The following PCDHA2 variants were observed in gnomAD, a reference collection of about 807,000 sequenced individuals.
PCDHA2 encodes protocadherin alpha-2.
Under a neutral mutation model 66.0 loss-of-function variants are expected in PCDHA2, and 58 were observed. That is an observed-to-expected ratio of 0.88 (90% CI 0.71 to 1.09). The LOEUF (loss-of-function observed/expected upper bound fraction) is 1.09, where lower values mean the gene tolerates loss of function less well. Ranked by LOEUF, PCDHA2 falls within the 50% of genes least tolerant of loss-of-function variation. The pLI, the probability that PCDHA2 is intolerant of heterozygous loss-of-function variation, is 0.00. For synonymous variants in PCDHA2, 634 were observed against 554.0 expected, an observed-to-expected ratio of 1.14 and a Z score of -2.03; for missense variants, 1,267 against 1,242.3, an observed-to-expected ratio of 1.02 and a Z score of -0.30.
chr5:140,875,818 G>T (rs2055839936), intron 1 of PCDHA2: 1 of 1,614,100 alleles, frequency 6.2e-7, no homozygotes, highest in East Asian at 2.2e-5. Flanking sequence ...GCCGCTGCAG[G>T]TTTTCCATGT....
chr5:140,915,234 A>G (rs1373292519), intron 1 of PCDHA2, among the ~76,000 whole-genome samples: 1 of 152,144 alleles, frequency 6.6e-6, no homozygotes, highest in Non-Finnish European at 1.5e-5. Flanking sequence ...GGCATGAGCC[A>G]CCATGCCTGG....
intron 1 of PCDHA2, chr5:140,866,113 T>C (rs1185424072): frequency 6.6e-6 from 1 of 152,196 alleles, no homozygotes; most frequent in African/African-American, 2.4e-5. Flanking sequence ...AAGAGTTGCC[T>C]TATAAGAACT....
At chr5:140,810,984 G>T (rs1764771297) in intron 1 of PCDHA2, 1 of 151,832 alleles carries the variant, frequency 6.6e-6, no homozygotes, top group South Asian at 2.1e-4. Context: ...GTGAGGTAGG[G>T]GTCAAGATTT....
intron 1 of PCDHA2, chr5:140,842,932 G>A: frequency 1.3e-6 from 2 of 1,594,566 alleles, no homozygotes; most frequent in East Asian, 2.2e-5. Flanking sequence ...AGGTGAGCGC[G>A]CGCGACGCGG....
At chr5:140,828,611 T>G in intron 1 of PCDHA2, 1 of 1,614,202 alleles carries the variant, frequency 6.2e-7, no homozygotes, top group Non-Finnish European at 8.5e-7. Flanking sequence ...TAAACTCAGT[T>G]CTAGCGAATA....
chr5:140,868,954 C>T (rs192231), intron 1 of PCDHA2: 649,749 of 1,346,616 alleles, frequency 0.48, 158,482 homozygotes, highest in South Asian at 0.57. Flanking sequence ...GTGAGGCACT[C>T]CCATACAAAG....
At position 141,010,952 on chromosome 5, in the gene PCDHA2, T is replaced by C. The variant is rs1217882818; in HGVS notation, c.*1015T>C. On this transcript the variant is annotated 3_prime_UTR_variant, in exon 4 of 4. Coordinates refer to ENST00000526136, the MANE Select transcript of PCDHA2 (RefSeq NM_018905.3). ...AGTCTACAGCCATTTAAATGATCAT[T>C]GCTGCTACAGAAGTGCTTTAAGAGA... 1 of 153,792 alleles carries C rather than the reference T, an allele frequency of 6.5e-6. No individual in the cohort carries two copies. Among genetic ancestry groups the C allele is most frequent in the East Asian group, 1.9e-4 (1 of 5,194 alleles). The allele number at this position is 153,792 out of a possible 1,614,324, so 9.5% of individuals were successfully genotyped here. A position where few individuals can be genotyped will look rare whatever the true frequency, so the allele number is the denominator to read the frequency against.
rs782518595 is a variant in PCDHA2 at position 140,795,336 on chromosome 5, G to A, written c.372G>A (p.Lys124=). The change falls in exon 1 of 4, where the codon AAG becomes AAA. Residue 124 remains lysine (K), a synonymous_variant. Transcript: ENST00000526136. ...TTTTCCATGTGGAAGTGGAGGTGAA[G>A]GACATTAACGACAACCCGCCAATAT... ...LQVFHVEVEV[K]DINDNPPIFP... The A allele has an allele frequency of 2.5e-6, 4 of 1,614,222 alleles. No homozygotes were observed. Among genetic ancestry groups the A allele is most frequent in the Non-Finnish European group, 8.5e-7 (1 of 1,180,044 alleles).
At chr5:140,968,684 G>A in intron 1 of PCDHA2, 1 of 1,614,140 alleles carries the variant, frequency 6.2e-7, no homozygotes, top group Non-Finnish European at 8.5e-7. Flanking sequence ...GCTGCACACA[G>A]GAGAAATTAG....
chr5:140,906,316 A>G (rs191261196), intron 1 of PCDHA2, among the ~76,000 whole-genome samples: 377 of 152,344 alleles, frequency 2.5e-3, no homozygotes, highest in African/African-American at 8.6e-3. Flanking sequence ...TATTCCCAAC[A>G]TGATACAACT....
chr5:140,807,151 A>T, intron 1 of PCDHA2: 1 of 1,580,442 alleles, frequency 6.3e-7, no homozygotes, highest in Non-Finnish European at 8.6e-7. Context: ...ACTTTGAGAA[A>T]CGATATTTAA....
chr5:140,877,325 C>G lies in PCDHA2; in HGVS notation c.2388+79973C>G. 1.2e-6 allele frequency: 2 copies of G among 1,613,974 alleles called. No individual in the cohort carries two copies. Among genetic ancestry groups the G allele is most frequent in the Non-Finnish European group, 1.7e-6 (2 of 1,179,864 alleles). The stretch of plus-strand genomic sequence containing the variant: ...GAGTTGCAACCGGCGGCGGTCGGCG[C>G]GCACATCCCGTTCCACGTGGGGCTG... On this transcript the variant is annotated intron_variant, in intron 1 of 3. Transcript: ENST00000526136.
At chr5:140,847,137 TA>T (rs1554141666) in intron 1 of PCDHA2, among the ~76,000 whole-genome samples, 1 of 149,712 alleles carries the variant, frequency 6.7e-6, no homozygotes, top group Non-Finnish European at 1.5e-5. Context: ...AAAACCAATG[TA>T]AGAAGATCTC....
chr5:140,969,587 T>G, intron 1 of PCDHA2: 1 of 850,882 alleles, frequency 1.2e-6, no homozygotes, highest in Non-Finnish European at 1.8e-6. Context: ...AGGATTAGTC[T>G]TAATATTTAA....
intron 1 of PCDHA2, among the ~76,000 whole-genome samples, chr5:140,949,015 T>A (rs1004348581): frequency 7.9e-5 from 12 of 151,734 alleles, no homozygotes; most frequent in Non-Finnish European, 1.2e-4. Context: ...ATATGTGATG[T>A]TTTTATTTTT....
chr5:140,917,777 T>C (rs913092177), intron 1 of PCDHA2, among the ~76,000 whole-genome samples: 7 of 152,214 alleles, frequency 4.6e-5, no homozygotes, highest in Non-Finnish European at 1.0e-4. Context: ...ATTAGTACCA[T>C]GTTGTTTTGG....
intron 3 of PCDHA2, among the ~76,000 whole-genome samples, chr5:140,995,258 A>C (rs2097672609): frequency 6.6e-6 from 1 of 152,164 alleles, no homozygotes; most frequent in Non-Finnish European, 1.5e-5. Flanking sequence ...AGGGTACTTG[A>C]ATACAAGCCC....
At chr5:140,979,820 T>A (rs937223402) in intron 2 of PCDHA2, among the ~76,000 whole-genome samples, 19 of 152,198 alleles carry the variant, frequency 1.2e-4, no homozygotes, top group African/African-American at 4.6e-4. Context: ...AGGATTTAAT[T>A]TTAAAGAAGA....
intron 1 of PCDHA2, chr5:140,810,636 A>G (rs900090794): frequency 2.6e-5 from 4 of 151,826 alleles, no homozygotes; most frequent in Admixed American, 2.6e-4. Context: ...AGCTGCTCAA[A>G]TCTCCTATTT....
Sources: gnomAD v4.1 joint callset for allele counts (sites outside exome capture counted in the v4.1 genomes callset) on GRCh38, gnomAD v4.1.1 for gene constraint, MANE v1.5 for transcripts, NCBI Gene and HGNC (gene_info 2026-07-23, HGNC 2026-07-21) for gene names.